The following ARHGEF9 variants were observed in gnomAD, a reference collection of about 807,000 sequenced individuals.
ARHGEF9 encodes Cdc42 guanine nucleotide exchange factor 9.
Under a neutral mutation model 41.3 loss-of-function variants are expected in ARHGEF9, and 2 were observed. That is an observed-to-expected ratio of 0.05 (90% confidence interval 0.02 to 0.15). ARHGEF9 has a LOEUF of 0.15. Among genes scored for constraint, ARHGEF9 ranks in the 10% least tolerant of loss-of-function variants. The pLI, the probability that ARHGEF9 is intolerant of heterozygous loss-of-function variation, is 1.00. For synonymous variants in ARHGEF9, 160 were observed against 154.4 expected, an observed-to-expected ratio of 1.04 and a Z score of -0.27; for missense variants, 225 against 424.7, an observed-to-expected ratio of 0.53 and a Z score of 4.13.
At chrX:63,784,573 C>T in intron 1 of ARHGEF9, among the ~76,000 whole-genome samples, 1 of 112,319 alleles carries the variant, frequency 8.9e-6, no homozygotes, top group East Asian at 2.8e-4. Context: ...CTCCCTCAGG[C>T]AGCTTCCTGA....
At chrX:63,649,010 T>C (rs1556321551) in intron 8 of ARHGEF9, among the ~76,000 whole-genome samples, 1 of 111,205 alleles carries the variant, frequency 9.0e-6, no homozygotes, top group Non-Finnish European at 1.9e-5. Flanking sequence ...TGGGAGACTT[T>C]AACACCCCAC....
chrX:63,644,770 T>G (rs5919591), intron 8 of ARHGEF9, among the ~76,000 whole-genome samples: 3 of 108,202 alleles, frequency 2.8e-5, no homozygotes, highest in Non-Finnish European at 5.7e-5. Flanking sequence ...TTATTTTTTT[T>G]TTTTTTGGAG....
intron 3 of ARHGEF9, among the ~76,000 whole-genome samples, chrX:63,697,970 C>T (rs1556390617): frequency 1.8e-5 from 2 of 110,097 alleles, no homozygotes; most frequent in Admixed American, 1.9e-4. Flanking sequence ...ATCTGTCAAA[C>T]CATTTCTCAA....
At chrX:63,742,553 G>A (rs1187836013) in intron 1 of ARHGEF9, among the ~76,000 whole-genome samples, 1 of 111,632 alleles carries the variant, frequency 9.0e-6, no homozygotes, top group African/African-American at 3.3e-5. Context: ...GGAGTAAAAG[G>A]AATGGCATAC....
intron 9 of ARHGEF9, chrX:63,639,346 A>G (rs1187068636): frequency 8.9e-6 from 1 of 112,048 alleles, no homozygotes; most frequent in Admixed American, 9.5e-5. Context: ...GATATTAGAG[A>G]GGGAATTTTG....
chrX:63,775,896 C>T (rs1172591766), intron 1 of ARHGEF9, among the ~76,000 whole-genome samples: 3 of 111,376 alleles, frequency 2.7e-5, no homozygotes, highest in Non-Finnish European at 5.7e-5. Flanking sequence ...GGAAGCCCTA[C>T]ACAATACCCT....
At chrX:63,685,283 A>T (rs1370454214) in intron 4 of ARHGEF9, among the ~76,000 whole-genome samples, 1 of 111,346 alleles carries the variant, frequency 9.0e-6, no homozygotes, top group African/African-American at 3.3e-5. Flanking sequence ...AAAATCATAC[A>T]ATGAAAACTA....
chrX:63,659,008 G>A (rs1443266852), intron 7 of ARHGEF9, among the ~76,000 whole-genome samples: 1 of 112,373 alleles, frequency 8.9e-6, no homozygotes, highest in East Asian at 2.8e-4. Flanking sequence ...TGCTCAAGCT[G>A]ATGTGGCTCC....
At chrX:63,679,443 G>T (rs1450758541) in intron 4 of ARHGEF9, among the ~76,000 whole-genome samples, 2 of 110,960 alleles carry the variant, frequency 1.8e-5, no homozygotes, top group Non-Finnish European at 3.8e-5. Flanking sequence ...AAACCCAAGA[G>T]AAACAATAGG....
intron 8 of ARHGEF9, among the ~76,000 whole-genome samples, chrX:63,646,079 T>C (rs2048036983): frequency 8.9e-6 from 1 of 111,900 alleles, no homozygotes; most frequent in Admixed American, 9.5e-5. Context: ...TGGGGTTGTT[T>C]GTTTTTTTCT....
At chrX:63,699,936 G>A (rs782551764) in intron 3 of ARHGEF9, among the ~76,000 whole-genome samples, 1 of 112,131 alleles carries the variant, frequency 8.9e-6, no homozygotes, top group African/African-American at 3.2e-5. Flanking sequence ...AAATAATTCT[G>A]TTATAGTTGA....
chrX:63,770,386 C>T (rs1414907636), intron 1 of ARHGEF9, among the ~76,000 whole-genome samples: 1 of 112,318 alleles, frequency 8.9e-6, no homozygotes, highest in Non-Finnish European at 1.9e-5. Context: ...TTTAAAATGG[C>T]TGTGTTTACC....
intron 4 of ARHGEF9, among the ~76,000 whole-genome samples, chrX:63,681,278 C>T (rs146196370): frequency 3.6e-5 from 4 of 111,971 alleles, no homozygotes; most frequent in Non-Finnish European, 7.5e-5. Context: ...AGCTGACCCA[C>T]GCAGACAGGC....
chrX:63,758,643 C>A (rs782572795), intron 1 of ARHGEF9, among the ~76,000 whole-genome samples: 1 of 111,601 alleles, frequency 9.0e-6, no homozygotes, highest in East Asian at 2.9e-4. Context: ...GCCTCAGGGC[C>A]TATATAAACT....
intron 6 of ARHGEF9, among the ~76,000 whole-genome samples, chrX:63,672,866 C>T (rs2050044350): frequency 8.9e-6 from 1 of 111,884 alleles, no homozygotes; most frequent in South Asian, 3.8e-4. Flanking sequence ...CAAAGCAATG[C>T]CAACACAAGG....
chrX:63,729,063 G>A (rs2054136646), intron 1 of ARHGEF9, among the ~76,000 whole-genome samples: 1 of 111,866 alleles, frequency 8.9e-6, no homozygotes, highest in South Asian at 3.7e-4. Flanking sequence ...AAAGGTCAAA[G>A]TTAATTTTTG....
At chrX:63,693,603 T>G (rs1478621271) in intron 4 of ARHGEF9, among the ~76,000 whole-genome samples, 87 of 89,160 alleles carry the variant, frequency 9.8e-4, no homozygotes, top group African/African-American at 4.1e-3. Flanking sequence ...CAGAGTGAGA[T>G]TCCATCTCAA....
In ARHGEF9 at chrX:63,695,860, C is replaced by A. The variant is rs781812411; in HGVS notation, c.582+1265G>T. On this transcript the variant is annotated intron_variant, in intron 4 of 9. Transcript: ENST00000671741. ...TACATGATGAGCCCACAATAAGAAC[C>A]TTGGACACTGAGTCTCTAATGAGTT... 5.4e-5 allele frequency among the ~76,000 whole-genome samples: 6 copies of A among 111,371 alleles called. No individual in the cohort carries two copies. In the South Asian group the frequency reaches 2.3e-3, roughly 43 times the overall value.
At chrX:63,737,480 G>A (rs1290311830) in intron 1 of ARHGEF9, among the ~76,000 whole-genome samples, 1 of 112,238 alleles carries the variant, frequency 8.9e-6, no homozygotes, top group Non-Finnish European at 1.9e-5. Context: ...GAGAGGGATG[G>A]GGTGGAATAA....
Sources: allele counts gnomAD v4.1 joint callset (sites outside exome capture counted in the v4.1 genomes callset), GRCh38; gene constraint gnomAD v4.1.1; transcripts MANE v1.5; gene names NCBI Gene and HGNC (gene_info 2026-07-23, HGNC 2026-07-21).